The following GINS2 variants were observed in gnomAD, a reference collection of about 807,000 sequenced individuals.
The protein encoded by GINS2 is DNA replication complex GINS protein PSF2.
A neutral mutation model predicts 21.2 loss-of-function variants in GINS2; 23 were observed. The observed-to-expected ratio is 1.08, with a 90% CI of 0.78 to 1.53. The LOEUF (loss-of-function observed/expected upper bound fraction) is 1.53. Among genes scored for constraint, GINS2 ranks in the 40% most tolerant of loss-of-function variants. The probability of loss-of-function intolerance (pLI) is 0.00; values close to 1 mark genes in which losing one functional copy is unlikely to be tolerated. For synonymous variants in GINS2, 118 were observed against 85.6 expected (o/e 1.38, Z -2.09); for missense variants, 323 against 233.9 (o/e 1.38, Z -2.49).
chr16:85,688,801 G>A lies in GINS2; in HGVS notation c.90+8C>T, dbSNP rs186443043. Reference sequence around the variant, plus strand: ...GCCTCCCCTCCCCACGGCGGGCCCAGGCCTCACCCCGATGAGGTAGATCTT... The same window carrying A: ...GCCTCCCCTCCCCACGGCGGGCCCAAGCCTCACCCCGATGAGGTAGATCTT... On this transcript the variant is annotated splice_region_variant and intron_variant, in intron 1 of 4. Coordinates refer to ENST00000253462, the MANE Select transcript of GINS2 (RefSeq NM_016095.3). 6.5e-4 allele frequency: 978 copies of A among 1,512,438 alleles called. 10 individuals carry two copies. In the African/African-American group the frequency reaches 0.011, roughly 16 times the overall value. 93.7% of individuals were successfully genotyped at this position (1,512,438 alleles called of 1,614,324 possible).
chr16:85,687,763 T>C (rs553002359), intron 1 of GINS2, 189 bp from the exon 2 acceptor site: 2 of 484,034 alleles, frequency 4.1e-6, no homozygotes, highest in Non-Finnish European at 7.3e-6. Context: ...CCTGCGAGCG[T>C]GGGGCTCAGT....
intron 2 of GINS2, among the ~76,000 whole-genome samples, 153 bp from the exon 3 acceptor site, chr16:85,681,834 T>A (rs4843506): frequency 0.29 from 44,643 of 152,022 alleles, 6,570 homozygotes; most frequent in East Asian, 0.38. Flanking sequence ...TGTATCATTA[T>A]CTAGATGATT....
At chr16:85,684,187 A>C (rs1182892519) in intron 2 of GINS2, among the ~76,000 whole-genome samples, 1 of 152,184 alleles carries the variant, frequency 6.6e-6, no homozygotes, top group Non-Finnish European at 1.5e-5. Flanking sequence ...TATAAAAATT[A>C]GCTGAATGTG....
chr16:85,681,832 T>C (rs2053735876), intron 2 of GINS2, 151 bp from the exon 3 acceptor site: 4 of 590,692 alleles, frequency 6.8e-6, no homozygotes, highest in South Asian at 6.6e-5. Context: ...TTTGTATCAT[T>C]ATCTAGATGA....
intron 2 of GINS2, 138 bp from the exon 3 acceptor site, chr16:85,681,819 A>C: frequency 1.6e-6 from 1 of 608,108 alleles, no homozygotes; most frequent in Non-Finnish European, 2.9e-6. Context: ...TTTTGGGATG[A>C]CATTTGTATC....
chr16:85,678,704 T>A (rs1350310059), intron 3 of GINS2, 38 bp from the exon 4 acceptor site: 2 of 1,599,304 alleles, frequency 1.3e-6, no homozygotes, highest in Admixed American at 1.7e-5. Context: ...GGGGAACACT[T>A]GATAACCTGA....
intron 2 of GINS2, among the ~76,000 whole-genome samples, chr16:85,685,685 A>AAAAAAAAACAAAAAAAAAAAAAAAC (rs56405044): frequency 2.5e-5 from 3 of 120,898 alleles, no homozygotes; most frequent in Non-Finnish European, 5.8e-5. Flanking sequence ...AAAAAAAAAA[A>AAAAAAAAACAAAAAAAAAAAAAAAC]AAAAAACCGT....
intron 2 of GINS2, among the ~76,000 whole-genome samples, chr16:85,682,550 G>T (rs554929663): frequency 6.8e-6 from 1 of 147,422 alleles, no homozygotes; most frequent in African/African-American, 2.5e-5. Flanking sequence ...AGCCACCCTG[G>T]CCTGGGCGCG....
Position 85,678,188 on chromosome 16 carries a change from A to C in GINS2, c.*24T>G. 1.2e-6 allele frequency: 2 copies of C among 1,610,252 alleles called. No individual in the cohort carries two copies. Among genetic ancestry groups the C allele is most frequent in the Non-Finnish European group, 1.7e-6 (2 of 1,178,712 alleles). ...GTCCTGAGCGCTCACATCCCCCAGC[A>C]AGCCGCCTGCACCAGGCCTTTCTCT... is the stretch of plus-strand genomic sequence containing the variant. On this transcript the variant is annotated 3_prime_UTR_variant, in exon 5 of 5. Transcript: ENST00000253462.
rs1029042486 is a variant in GINS2, at chr16:85,676,204, TAA to T, written c.*2006_*2007del. On this transcript the variant is annotated 3_prime_UTR_variant, in exon 5 of 5. Coordinates refer to ENST00000253462, the MANE Select transcript of GINS2 (RefSeq NM_016095.3). ...AAAATAAAATCTTCCTAAATTATGT[TAA>T]GAGGAAAATCTTTTTTATGATATAA... The T allele has an allele frequency of 1.2e-4, 19 of 152,648 alleles. No individual in the cohort carries two copies. The highest frequency in any genetic ancestry group is 4.3e-4 in the African/African-American group (18 of 41,446). 9.5% of individuals were successfully genotyped at this position (152,648 alleles called of 1,614,324 possible).
chr16:85,687,653 A>AGAGGC, intron 1 of GINS2, 79 bp from the exon 2 acceptor site: 1 of 774,740 alleles, frequency 1.3e-6, no homozygotes, highest in South Asian at 2.0e-5. Context: ...CTATCAAATA[A>AGAGGC]GAGGCAAGGC....
chr16:85,683,924 C>A (rs1488763711), intron 2 of GINS2, among the ~76,000 whole-genome samples: 2 of 152,162 alleles, frequency 1.3e-5, no homozygotes, highest in African/African-American at 4.8e-5. Flanking sequence ...GACCAGGTGG[C>A]CGTTTCTTAC....
intron 2 of GINS2, among the ~76,000 whole-genome samples, chr16:85,686,205 G>A (rs529722518): frequency 6.6e-6 from 1 of 152,246 alleles, no homozygotes; most frequent in African/African-American, 2.4e-5. Context: ...ACGAGGTCAG[G>A]AGATTGAGAC....
intron 2 of GINS2, among the ~76,000 whole-genome samples, chr16:85,686,347 G>T (rs2152052879): frequency 6.6e-6 from 1 of 152,022 alleles, no homozygotes; most frequent in Non-Finnish European, 1.5e-5. Flanking sequence ...GAACCCAGGA[G>T]GTGGAGCTTG....
chr16:85,676,559 G>C lies in GINS2; in HGVS notation c.*1653C>G, dbSNP rs2053672652. 6.6e-6 allele frequency: 1 copy of C among 152,262 alleles called. No homozygotes were observed. Among genetic ancestry groups the C allele is most frequent in the Non-Finnish European group, 1.5e-5 (1 of 68,062 alleles). The allele number at this position is 152,262 out of a possible 1,614,324, so 9.4% of individuals were successfully genotyped here. On this transcript the variant is annotated 3_prime_UTR_variant, in exon 5 of 5. Transcript: ENST00000253462. ...GCGGGGACACGTGGGCAGCAACATG[G>C]AGTGATAGTGTGCAGCATGCTAGAC... is the stretch of plus-strand genomic sequence containing the variant.
Position 85,678,163 on chromosome 16 carries a change from G to C in GINS2, c.*49C>G. 6.3e-7 allele frequency: 1 copy of C among 1,586,286 alleles called. No individual in the cohort carries two copies. The highest frequency in any genetic ancestry group is 1.1e-5 in the South Asian group (1 of 89,358). On this transcript the variant is annotated 3_prime_UTR_variant, in exon 5 of 5. Coordinates refer to ENST00000253462, the MANE Select transcript of GINS2 (RefSeq NM_016095.3). Reference sequence around the variant, plus strand: ...TCCAGAACCACGAGTACCTCATCACGTCCTGAGCGCTCACATCCCCCAGCA... The same window carrying C: ...TCCAGAACCACGAGTACCTCATCACCTCCTGAGCGCTCACATCCCCCAGCA...
At chr16:85,684,489 G>A (rs953109130) in intron 2 of GINS2, among the ~76,000 whole-genome samples, 1 of 152,110 alleles carries the variant, frequency 6.6e-6, no homozygotes, top group African/African-American at 2.4e-5. Flanking sequence ...CTGGGCAACA[G>A]AGAAATCCCT....
intron 1 of GINS2, 87 bp from the exon 2 acceptor site, chr16:85,687,661 G>A: frequency 1.4e-6 from 1 of 719,074 alleles, no homozygotes; most frequent in East Asian, 3.0e-5. Flanking sequence ...TAAGAGGCAA[G>A]GCATTGCAGA....
rs369780664 is a variant in GINS2 at position 85,678,573 on chromosome 16, G to A, written c.399C>T (p.Asp133=). The change falls in exon 4 of 5, where the codon GAC becomes GAT. Residue 133 remains aspartate, a synonymous_variant. Transcript: ENST00000253462. The part of the protein sequence containing the change: ...TRIAKLRVSA[D]SFVRQQEAHA... ...GTGCCTCCTGCTGTCTCACAAAGCT[G>A]TCAGCAGACACTCGGAGTTTGGCTA... 1.5e-4 allele frequency: 243 copies of A among 1,613,840 alleles called. No homozygotes were observed. Among genetic ancestry groups the A allele is most frequent in the Non-Finnish European group, 1.9e-4 (227 of 1,179,982 alleles).
Sources: allele counts gnomAD v4.1 joint callset (sites outside exome capture counted in the v4.1 genomes callset), GRCh38; gene constraint gnomAD v4.1.1; transcripts MANE v1.5; gene names NCBI Gene and HGNC (gene_info 2026-07-23, HGNC 2026-07-21).